Variants in CNOT1 observed in about 807,000 individuals in gnomAD.
CNOT1 encodes CCR4-NOT transcription complex subunit 1, also known as CCR4-associated factor 1.
In CNOT1, 15 loss-of-function variants were observed where a neutral mutation model predicts 273.8. That is an observed-to-expected ratio of 0.05 (90% CI 0.04 to 0.08). The LOEUF is 0.08. Ranked by LOEUF, CNOT1 falls within the 10% of genes least tolerant of loss-of-function variation. CNOT1 has a pLI of 1.00. For missense variants in CNOT1, 1,644 were observed against 2,912.2 expected (o/e 0.56, Z 10.02); for synonymous variants, 1,022 against 1,005.5 (o/e 1.02, Z -0.31).
intron 16 of CNOT1, among the ~76,000 whole-genome samples, chr16:58,569,845 C>T (rs2041203920): frequency 6.6e-6 from 1 of 151,934 alleles, no homozygotes; most frequent in Non-Finnish European, 1.5e-5. Context: ...GACTGAAAAC[C>T]CGATAAATTT....
rs564133561 is a variant in CNOT1 at position 58,566,462 on chromosome 16, A to AT, written c.1980-6101dup. 2.9e-3 allele frequency among the ~76,000 whole-genome samples: 436 copies of AT among 152,350 alleles called. 2 individuals carry two copies. Among genetic ancestry groups the AT allele is most frequent in the African/African-American group, 1.0e-2 (414 of 41,580 alleles). On this transcript the variant is annotated intron_variant, in intron 16 of 48. Transcript: ENST00000317147. ...TAAACTGCCTTCTTACAATAAAAACATTTTGCGCAATTTTAACAGGCAATT... is the reference window on the plus strand; with the variant it reads ...TAAACTGCCTTCTTACAATAAAAACATTTTTGCGCAATTTTAACAGGCAATT...
At position 58,531,952 on chromosome 16, in the gene CNOT1, C is replaced by G. The variant is rs1567388650; in HGVS notation, c.6177+6G>C. 6.2e-7 allele frequency: 1 copy of G among 1,613,944 alleles called. No individual in the cohort carries two copies. The highest frequency in any genetic ancestry group is 2.2e-5 in the East Asian group (1 of 44,884). Reference sequence around the variant, plus strand: ...TTCATCTACAGGAGATAAACTGCAGCCACACCTTCTGCTGTGGCGTATGTG... The same window carrying G: ...TTCATCTACAGGAGATAAACTGCAGGCACACCTTCTGCTGTGGCGTATGTG... On this transcript the variant is annotated splice_donor_region_variant and intron_variant, in intron 42 of 48. Coordinates refer to ENST00000317147, the MANE Select transcript of CNOT1 (RefSeq NM_016284.5).
chr16:58,546,523 G>C, intron 28 of CNOT1, 25 bp from the exon 29 acceptor site: 1 of 1,601,312 alleles, frequency 6.2e-7, no homozygotes, highest in Non-Finnish European at 8.5e-7. Context: ...AGTTGGATTA[G>C]AATTTTTAAA....
chr16:58,562,623 A>G (rs2040897262), intron 16 of CNOT1, among the ~76,000 whole-genome samples: 1 of 151,994 alleles, frequency 6.6e-6, no homozygotes, highest in Non-Finnish European at 1.5e-5. Flanking sequence ...GGAGTTTGAG[A>G]CCAGCCTGGC....
chr16:58,587,113 CTCTAAG>C, intron 6 of CNOT1, 82 bp downstream of exon 6: 1 of 1,500,146 alleles, frequency 6.7e-7, no homozygotes, highest in Non-Finnish European at 9.0e-7. Context: ...TTATCTTACT[CTCTAAG>C]TCTAAATCAC....
At chr16:58,528,421 G>A (rs2039673360) in intron 44 of CNOT1, 54 bp downstream of exon 44, 1 of 1,287,168 alleles carries the variant, frequency 7.8e-7, no homozygotes, top group Admixed American at 1.8e-5. Context: ...ACTTATCAGA[G>A]AAAGGACTGA....
intron 1 of CNOT1, among the ~76,000 whole-genome samples, chr16:58,604,430 G>A (rs943110457): frequency 3.9e-5 from 6 of 151,996 alleles, no homozygotes; most frequent in African/African-American, 1.5e-4. Flanking sequence ...CTCTTTACAT[G>A]CCAGGGACTC....
chr16:58,578,107 G>A (rs1036649860), intron 13 of CNOT1, among the ~76,000 whole-genome samples: 4 of 152,020 alleles, frequency 2.6e-5, no homozygotes, highest in East Asian at 1.9e-4. Flanking sequence ...AAGCTCCTTC[G>A]CATAAAAAGG....
chr16:58,596,160 T>C (rs900806740), intron 2 of CNOT1, among the ~76,000 whole-genome samples: 2 of 152,126 alleles, frequency 1.3e-5, no homozygotes, highest in African/African-American at 4.8e-5. Context: ...AGTAAAGCTG[T>C]CTAAGATGTG....
intron 31 of CNOT1, 147 bp from the exon 32 acceptor site, chr16:58,542,715 T>C: frequency 4.0e-6 from 5 of 1,263,940 alleles, no homozygotes; most frequent in Non-Finnish European, 5.3e-6. Flanking sequence ...GCTGTGATCT[T>C]GAAACAGTCT....
intron 7 of CNOT1, 81 bp downstream of exon 7, chr16:58,586,464 A>AG (rs2041879206): frequency 2.9e-6 from 2 of 695,766 alleles, no homozygotes; most frequent in East Asian, 3.3e-5. Flanking sequence ...GGGTGAGGGG[A>AG]GGGGAGGGGG....
At chr16:58,521,130 G>GT in intron 48 of CNOT1, 53 bp downstream of exon 48, 1 of 1,612,602 alleles carries the variant, frequency 6.2e-7, no homozygotes, top group South Asian at 1.1e-5. Flanking sequence ...GAGACAGATG[G>GT]TTTTCAGTCT....
In CNOT1 at chr16:58,521,042, G is replaced by A; in HGVS notation, c.7053-6C>T. On this transcript the variant is annotated splice_polypyrimidine_tract_variant and splice_region_variant and intron_variant, in intron 48 of 48. Coordinates refer to ENST00000317147, the MANE Select transcript of CNOT1 (RefSeq NM_016284.5). Reference sequence around the variant, plus strand: ...GTGCGACCGACTGGAATAACCTGAAGGATGAAGACAGTTACAAATCTCTGA... The same window carrying A: ...GTGCGACCGACTGGAATAACCTGAAAGATGAAGACAGTTACAAATCTCTGA... 1 of 1,614,056 alleles carries A rather than the reference G, an allele frequency of 6.2e-7. No homozygotes were observed.
In CNOT1 at chr16:58,555,915, G is replaced by A; in HGVS notation, c.2480-7C>T. ...CACACCTGAGACAAGTCCGCTGTTG[G>A]AAACAAAAAAGGAATCAGTGGGCAT... On this transcript the variant is annotated splice_region_variant and splice_polypyrimidine_tract_variant and intron_variant, in intron 19 of 48. Transcript: ENST00000317147. 6.2e-7 allele frequency: 1 copy of A among 1,607,670 alleles called. No individual in the cohort carries two copies. The highest frequency in any genetic ancestry group is 8.5e-7 in the Non-Finnish European group (1 of 1,179,056).
At chr16:58,629,319 G>A (rs1187676567) in intron 1 of CNOT1, among the ~76,000 whole-genome samples, 2 of 152,230 alleles carry the variant, frequency 1.3e-5, no homozygotes, top group South Asian at 2.1e-4. Context: ...AACCATCAGG[G>A]AGCAGAGACA....
In CNOT1 at chr16:58,530,414, C is replaced by G. The variant is rs1398512644; in HGVS notation, c.6178-67G>C. 1.8e-5 allele frequency: 19 copies of G among 1,067,856 alleles called. No individual in the cohort carries two copies. The Admixed American group carries it at 2.4e-4, about 13-fold the overall frequency. 66.1% of individuals were successfully genotyped at this position (1,067,856 alleles called of 1,614,324 possible). On this transcript the variant is annotated intron_variant, in intron 42 of 48. Transcript: ENST00000317147. Reference sequence around the variant, plus strand: ...TGTTTTTCAGCCACTACAAGTCGCCCAAGCAGCTACACTGACTTATCTTCT... The same window carrying G: ...TGTTTTTCAGCCACTACAAGTCGCCGAAGCAGCTACACTGACTTATCTTCT...
At chr16:58,534,565 C>T (rs1269195004) in intron 39 of CNOT1, among the ~76,000 whole-genome samples, 170 bp from the exon 40 acceptor site, 1 of 152,054 alleles carries the variant, frequency 6.6e-6, no homozygotes, top group Non-Finnish European at 1.5e-5. Context: ...ATTAAGGTGC[C>T]ATGACAGAAT....
At chr16:58,541,154 G>A (rs914328907) in intron 34 of CNOT1, among the ~76,000 whole-genome samples, 1 of 152,158 alleles carries the variant, frequency 6.6e-6, no homozygotes, top group Admixed American at 6.5e-5. Flanking sequence ...GCAATGAGCT[G>A]AGATCGCGCC....
intron 1 of CNOT1, among the ~76,000 whole-genome samples, chr16:58,612,413 CTTTTTTTCACTCTCTT>C: frequency 6.8e-6 from 1 of 147,770 alleles, no homozygotes; most frequent in Non-Finnish European, 1.5e-5. Flanking sequence ...TGAGCCTTGT[CTTTTTTTCACTCTCTT>C]TCTGCAATTA....
Sources: allele counts gnomAD v4.1 joint callset (sites outside exome capture counted in the v4.1 genomes callset), GRCh38; gene constraint gnomAD v4.1.1; transcripts MANE v1.5; gene names NCBI Gene and HGNC (gene_info 2026-07-23, HGNC 2026-07-21).